The following TRMT1 variants were observed in gnomAD, a reference collection of about 807,000 sequenced individuals.
TRMT1 encodes the protein tRNA (guanine(26)-N(2))-dimethyltransferase.
Under a neutral mutation model 75.4 loss-of-function variants are expected in TRMT1, and 63 were observed. The ratio of observed to expected loss-of-function variants is 0.84; its 90% CI spans 0.68 to 1.03. TRMT1 has a LOEUF of 1.03. TRMT1 is among the 50% of genes least tolerant of loss of function. The pLI, the probability that TRMT1 is intolerant of heterozygous loss-of-function variation, is 0.00. For synonymous variants in TRMT1, 382 were observed against 358.1 expected, an observed-to-expected ratio of 1.07 and a Z score of -0.75; for missense variants, 870 against 905.3, an observed-to-expected ratio of 0.96 and a Z score of 0.50.
At position 13,116,263 on chromosome 19, in the gene TRMT1, T is replaced by C. The variant is rs1229193642; in HGVS notation, c.137A>G (p.Glu46Gly). 6.2e-7 allele frequency: 1 copy of C among 1,614,162 alleles called. No homozygotes were observed. The highest frequency in any genetic ancestry group is 1.7e-5 in the Admixed American group (1 of 60,024). The change falls in exon 2 of 17, where the codon GAA becomes GGA. Residue 46 changes from glutamate (E) to glycine (G), a missense_variant. Physicochemically the swap from Glu to Gly is moderately conservative, Grantham distance 98. Coordinates refer to ENST00000357720, the MANE Select transcript of TRMT1 (RefSeq NM_001136035.4). The stretch of plus-strand genomic sequence containing the variant: ...CTCCTGGACTTCACGTGGACGTTCT[T>C]CTCCGTAGGGCCCGGTGCCGTTCTC... ...AMENGTGPYG[E>G]ERPREVQETT... is the part of the protein sequence containing the mutation.
In TRMT1 at chr19:13,116,411, T is replaced by G; in HGVS notation, c.-12A>C. 6.4e-7 allele frequency: 1 copy of G among 1,571,442 alleles called. No individual in the cohort carries two copies. The highest frequency in any genetic ancestry group is 8.6e-7 in the Non-Finnish European group (1 of 1,161,496). On this transcript the variant is annotated 5_prime_UTR_variant, in exon 2 of 17. Transcript: ENST00000357720. ...GACGATCCTTGCATGAGACATCCGC[T>G]GGCGCCTCCGCCCGCCAAGCCTGGT...
At position 13,105,478 on chromosome 19, in the gene TRMT1, A is replaced by G. The variant is rs1286437638; in HGVS notation, c.1703+9T>C. The G allele has an allele frequency of 2.7e-5, 44 of 1,613,182 alleles. No homozygotes were observed. Among genetic ancestry groups the G allele is most frequent in the Non-Finnish European group, 3.6e-5 (43 of 1,179,832 alleles). On this transcript the variant is annotated intron_variant, in intron 15 of 16. Coordinates refer to ENST00000357720, the MANE Select transcript of TRMT1 (RefSeq NM_001136035.4). ...GGCTGAGCCCCACCCCCACCTTACC[A>G]CCACTCACCCTGGCCGGGCACGAGG...
chr19:13,107,933 A>G, intron 12 of TRMT1, 74 bp from the exon 13 acceptor site: 1 of 1,200,972 alleles, frequency 8.3e-7, no homozygotes, highest in Non-Finnish European at 1.2e-6. Flanking sequence ...CAGCGTAGGT[A>G]AGACTACCTT....
At chr19:13,111,420 G>A (rs900035986) in intron 7 of TRMT1, among the ~76,000 whole-genome samples, 3 of 133,394 alleles carry the variant, frequency 2.2e-5, no homozygotes, top group African/African-American at 5.7e-5. Flanking sequence ...TTTTGCTCTT[G>A]TTGCCCAGGC....
chr19:13,107,516 A>G, intron 14 of TRMT1, 58 bp downstream of exon 14: 1 of 1,541,686 alleles, frequency 6.5e-7, no homozygotes, highest in Non-Finnish European at 8.8e-7. Flanking sequence ...GTCTGCACAC[A>G]CATGTGCTTC....
chr19:13,116,086 C>A (rs74437885), intron 2 of TRMT1, 34 bp from the exon 3 acceptor site: 117,227 of 1,613,844 alleles, frequency 0.073, 4,504 homozygotes, highest in Middle Eastern at 0.11. Flanking sequence ...TCATACCCCG[C>A]CCCCGCCATC....
At position 13,108,330 on chromosome 19, in the gene TRMT1, G is replaced by A. The variant is rs574168313; in HGVS notation, c.1398-471C>T. The stretch of plus-strand genomic sequence containing the variant: ...TTTTGAGGTGGAGTCTCACTCTGTC[G>A]CTCAGGCTGGTGTGCAATGATGCAA... On this transcript the variant is annotated intron_variant, in intron 12 of 16. Coordinates refer to ENST00000357720, the MANE Select transcript of TRMT1 (RefSeq NM_001136035.4). Among the ~76,000 whole-genome samples, 33 of 150,514 alleles carry A rather than the reference G, an allele frequency of 2.2e-4. No homozygotes were observed. The East Asian group carries it at 5.3e-3, about 24-fold the overall frequency.
chr19:13,105,467 C>A lies in TRMT1; in HGVS notation c.1703+20G>T. On this transcript the variant is annotated intron_variant, in intron 15 of 16. Coordinates refer to ENST00000357720, the MANE Select transcript of TRMT1 (RefSeq NM_001136035.4). ...CTTCTTTCCCTGGCTGAGCCCCACC[C>A]CCACCTTACCACCACTCACCCTGGC... 1 of 1,614,018 alleles carries A rather than the reference C, an allele frequency of 6.2e-7. No individual in the cohort carries two copies. Among genetic ancestry groups the A allele is most frequent in the Admixed American group, 1.7e-5 (1 of 60,026 alleles).
chr19:13,112,687 T>C lies in TRMT1; in HGVS notation c.870+18A>G. ...CTGTCCCCCGGTCTCCCTGGCTGGC[T>C]GGCAGAGGGCCCCTCACCATCTCGT... On this transcript the variant is annotated intron_variant, in intron 7 of 16. Transcript: ENST00000357720. 1 of 1,606,614 alleles carries C rather than the reference T, an allele frequency of 6.2e-7. No homozygotes were observed. The highest frequency in any genetic ancestry group is 8.5e-7 in the Non-Finnish European group (1 of 1,178,084).
intron 12 of TRMT1, 64 bp downstream of exon 12, chr19:13,109,317 C>G: frequency 1.3e-6 from 2 of 1,590,130 alleles, no homozygotes; most frequent in Non-Finnish European, 1.7e-6. Context: ...ATGAGAATCC[C>G]TGGACTTGCC....
Position 13,115,676 on chromosome 19 carries a change from G to C in TRMT1, c.403C>G (p.Leu135Val). The C allele has an allele frequency of 6.2e-7, 1 of 1,614,026 alleles. No individual in the cohort carries two copies. The highest frequency in any genetic ancestry group is 2.2e-5 in the East Asian group (1 of 44,880). ...GTGCGAGGTTGGTCTCCTGAGGCCAGGTTTTCACTCTCTTTCAGTTCAACC... is the reference window on the plus strand; with the variant it reads ...GTGCGAGGTTGGTCTCCTGAGGCCACGTTTTCACTCTCTTTCAGTTCAACC... ...EKVELKESEN[L>V]ASGDQPRTAA... Residue 135 changes from leucine (L) to valine (V), a missense_variant, in exon 4 of 17, where the codon CTG (leucine) becomes GTG (valine). Leu to Val is a conservative substitution (Grantham distance 32). Coordinates refer to ENST00000357720, the MANE Select transcript of TRMT1 (RefSeq NM_001136035.4).
intron 7 of TRMT1, 84 bp downstream of exon 7, chr19:13,112,621 A>G: frequency 1.5e-6 from 2 of 1,355,184 alleles, no homozygotes; most frequent in African/African-American, 2.8e-5. Flanking sequence ...AGCAGGTCTG[A>G]GGAGGGGGAA....
rs1422377323 is a variant in TRMT1, at chr19:13,110,413, C to T, written c.871-107G>A. 10 of 1,307,946 alleles carry T rather than the reference C, an allele frequency of 7.6e-6. No homozygotes were observed. The South Asian group carries it at 1.2e-4, about 16-fold the overall frequency. The allele number at this position is 1,307,946 out of a possible 1,614,324, so 81.0% of individuals were successfully genotyped here. A position where few individuals can be genotyped will look rare whatever the true frequency, so the allele number is the denominator to read the frequency against. ...AGGCTCAGGGCCAGCTCCCTGGGAT[C>T]CAAGCCCACCCCTGAAAGTCCTGGC... is the stretch of plus-strand genomic sequence containing the variant. On this transcript the variant is annotated intron_variant, in intron 7 of 16. Transcript: ENST00000357720.
In TRMT1 at chr19:13,116,048, C is replaced by G; in HGVS notation, c.259G>C (p.Ala87Pro). The change falls in exon 3 of 17, where the codon GCT (alanine) becomes CCT (proline). Residue 87 changes from alanine to proline, a missense_variant. Physicochemically the swap from Ala to Pro is conservative, Grantham distance 27. Transcript: ENST00000357720. Reference protein sequence around the residue: ...VQEFNRDLTCAVITEFARIQL... With the variant: ...VQEFNRDLTCPVITEFARIQL... ...ATGCGAGCAAACTCGGTGATCACAGCACATCTGGTGGGAGACAGAGGACTA... is the reference window on the plus strand; with the variant it reads ...ATGCGAGCAAACTCGGTGATCACAGGACATCTGGTGGGAGACAGAGGACTA... 1 of 1,614,094 alleles carries G rather than the reference C, an allele frequency of 6.2e-7. No homozygotes were observed. The highest frequency in any genetic ancestry group is 8.5e-7 in the Non-Finnish European group (1 of 1,180,018).
Position 13,104,942 on chromosome 19 carries a change from A to T in TRMT1, c.1973T>A (p.Ile658Lys). 1 of 1,613,980 alleles carries T rather than the reference A, an allele frequency of 6.2e-7. No homozygotes were observed. Among genetic ancestry groups the T allele is most frequent in the Non-Finnish European group, 8.5e-7 (1 of 1,179,936 alleles). Residue 658 changes from isoleucine (I) to lysine (K), a missense_variant, in exon 17 of 17, where the codon ATA becomes AAA. Coordinates refer to ENST00000357720, the MANE Select transcript of TRMT1 (RefSeq NM_001136035.4). The stretch of plus-strand genomic sequence containing the variant: ...TGACATCTCTTTATTGGTTCAGTCT[A>T]TGCCTGGCCCAGCGGCAGCCCCAGG... Reference protein sequence around the residue: ...PGPGAAAGPGID With the variant: ...PGPGAAAGPGKD
intron 5 of TRMT1, among the ~76,000 whole-genome samples, chr19:13,113,811 T>C (rs954435420): frequency 2.6e-5 from 4 of 151,906 alleles, no homozygotes; most frequent in African/African-American, 4.8e-5. Flanking sequence ...GGTTTTACCA[T>C]GTTGGCCAGG....
chr19:13,116,106 C>T (rs1232809868), intron 2 of TRMT1, 40 bp downstream of exon 2: 1 of 1,613,880 alleles, frequency 6.2e-7, no homozygotes, highest in African/African-American at 1.3e-5. Flanking sequence ...CCACACTGAC[C>T]CACTAGCCGA....
Position 13,105,514 on chromosome 19 carries a change from C to CA in TRMT1, c.1675dup (p.Trp559LeufsTer52). On this transcript the variant is annotated frameshift_variant, in exon 15 of 17. Coordinates refer to ENST00000357720, the MANE Select transcript of TRMT1 (RefSeq NM_001136035.4). LOFTEE classifies it high-confidence loss of function. ...TGGCCGGGCACGAGGCCGGGGACCC[C>CA]AGTTGGCCTCCGGGTTAGCCTGGAA... 6.2e-7 allele frequency: 1 copy of CA among 1,614,090 alleles called. No homozygotes were observed. Among genetic ancestry groups the CA allele is most frequent in the Non-Finnish European group, 8.5e-7 (1 of 1,180,026 alleles).
chr19:13,107,744 C>G lies in TRMT1; in HGVS notation c.1506+7G>C. The G allele has an allele frequency of 6.4e-7, 1 of 1,555,222 alleles. No homozygotes were observed. The highest frequency in any genetic ancestry group is 8.7e-7 in the Non-Finnish European group (1 of 1,148,294). ...TCCCACCTGCATGAGGTCAGCCCTG[C>G]CCTCACCCAGCAACGCATGATGTCC... On this transcript the variant is annotated splice_region_variant and intron_variant, in intron 13 of 16. Coordinates refer to ENST00000357720, the MANE Select transcript of TRMT1 (RefSeq NM_001136035.4).
Sources: gnomAD v4.1 joint callset for allele counts (sites outside exome capture counted in the v4.1 genomes callset) on GRCh38, gnomAD v4.1.1 for gene constraint, MANE v1.5 for transcripts, NCBI Gene and HGNC (gene_info 2026-07-23, HGNC 2026-07-21) for gene names.